ESRRG: variants seen among roughly 807,000 people sequenced by gnomAD.
ESRRG encodes estrogen related receptor gamma, also known as estrogen-related receptor gamma.
A neutral mutation model predicts 44.0 loss-of-function variants in ESRRG; 13 were observed. That is an observed-to-expected ratio of 0.30 (90% CI 0.19 to 0.47). ESRRG has a LOEUF of 0.47. Ranked by LOEUF, ESRRG falls within the 20% of genes least tolerant of loss-of-function variation. ESRRG has a pLI of 1.00. For synonymous variants in ESRRG, 215 were observed against 214.6 expected (o/e 1.00, Z -0.02); for missense variants, 395 against 580.6 (o/e 0.68, Z 3.29).
chr1:217,052,449 C>T (rs558106088), intron 1 of ESRRG, among the ~76,000 whole-genome samples: 2 of 152,248 alleles, frequency 1.3e-5, no homozygotes, highest in South Asian at 2.1e-4. Flanking sequence ...AATCACTCCA[C>T]GTGAATTATT....
intron 6 of ESRRG, among the ~76,000 whole-genome samples, chr1:216,513,987 G>A (rs923995888): frequency 2.0e-5 from 3 of 152,080 alleles, no homozygotes; most frequent in Non-Finnish European, 4.4e-5. Flanking sequence ...ATAAGCAACT[G>A]CAGAGTATTT....
chr1:216,717,494 T>C (rs1362956841), intron 1 of ESRRG, among the ~76,000 whole-genome samples: 11 of 151,854 alleles, frequency 7.2e-5, no homozygotes, highest in Admixed American at 7.2e-4. Flanking sequence ...ATCTGATAGA[T>C]TGGCATAAAG....
At chr1:216,907,166 C>T (rs149553045) in intron 2 of ESRRG, among the ~76,000 whole-genome samples, 265 of 152,258 alleles carry the variant, frequency 1.7e-3, no homozygotes, top group Non-Finnish European at 2.9e-3. Context: ...GCCTGGCCAC[C>T]GGCTGTTACT....
At chr1:216,943,759 G>T (rs997012135) in intron 1 of ESRRG, among the ~76,000 whole-genome samples, 16 of 152,120 alleles carry the variant, frequency 1.1e-4, no homozygotes, top group Non-Finnish European at 1.8e-4. Context: ...GCCAGGAAAA[G>T]ATAAACAGAA....
At chr1:216,584,049 G>A (rs1025674433) in intron 3 of ESRRG, among the ~76,000 whole-genome samples, 5 of 152,120 alleles carry the variant, frequency 3.3e-5, no homozygotes, top group African/African-American at 9.7e-5. Context: ...ATAAAGGAGA[G>A]AGCATAGCCA....
intron 2 of ESRRG, among the ~76,000 whole-genome samples, chr1:216,856,352 A>AACAC (rs5780935): frequency 0.12 from 17,152 of 141,878 alleles, 1,158 homozygotes; most frequent in Non-Finnish European, 0.16. Flanking sequence ...TTCTCTCTTC[A>AACAC]ACACACACAC....
chr1:216,631,408 C>T (rs1021049903), intron 3 of ESRRG, among the ~76,000 whole-genome samples: 16 of 152,154 alleles, frequency 1.1e-4, no homozygotes, highest in Admixed American at 1.0e-3. Flanking sequence ...TTGGAAAATG[C>T]ATTTACATCA....
In ESRRG at chr1:216,749,093, G is replaced by C. The variant is rs527377381; in HGVS notation, c.-13-71602C>G. On this transcript the variant is annotated intron_variant, in intron 2 of 7. Transcript: ENST00000359162. ...TATAAGGAGCAGGGAGAGCAGGCAA[G>C]AGACCCAGCAGCAGCCTGTTTGCTG... is the stretch of plus-strand genomic sequence containing the variant. Among the ~76,000 whole-genome samples, 4 of 152,094 alleles carry C rather than the reference G, an allele frequency of 2.6e-5. No homozygotes were observed. The Middle Eastern group carries it at 0.014, about 517-fold the overall frequency.
At chr1:216,924,351 T>C (rs918799358) in intron 2 of ESRRG, among the ~76,000 whole-genome samples, 1 of 152,130 alleles carries the variant, frequency 6.6e-6, no homozygotes, top group Non-Finnish European at 1.5e-5. Context: ...AAAGCAGCCC[T>C]CGAGAGCAAT....
intron 1 of ESRRG, among the ~76,000 whole-genome samples, chr1:217,110,500 G>A (rs1021192092): frequency 6.6e-6 from 1 of 152,112 alleles, no homozygotes; most frequent in African/African-American, 2.4e-5. Context: ...CGTTTACTTG[G>A]CTCACAGTTC....
intron 2 of ESRRG, among the ~76,000 whole-genome samples, chr1:216,734,641 C>T (rs74649577): frequency 0.062 from 9,490 of 152,102 alleles, 369 homozygotes; most frequent in African/African-American, 0.091. Flanking sequence ...CAAAATAAAC[C>T]GCTTTTCTTT....
At chr1:217,101,874 T>G (rs2092518162) in intron 1 of ESRRG, among the ~76,000 whole-genome samples, 1 of 152,208 alleles carries the variant, frequency 6.6e-6, no homozygotes, top group Non-Finnish European at 1.5e-5. Flanking sequence ...TGATGCGATC[T>G]TGGCTCACCG....
At chr1:216,518,224 T>G (rs1413737539) in intron 6 of ESRRG, among the ~76,000 whole-genome samples, 3 of 152,128 alleles carry the variant, frequency 2.0e-5, no homozygotes, top group Non-Finnish European at 4.4e-5. Context: ...GTCAATACCT[T>G]GAATGCTGCA....
intron 1 of ESRRG, among the ~76,000 whole-genome samples, chr1:216,698,062 C>T (rs1472443431): frequency 6.6e-6 from 1 of 152,122 alleles, no homozygotes; most frequent in African/African-American, 2.4e-5. Flanking sequence ...TTCATCTGTT[C>T]AGTTTCCAGA....
At chr1:216,773,541 A>G (rs2093468625) in intron 2 of ESRRG, among the ~76,000 whole-genome samples, 1 of 152,164 alleles carries the variant, frequency 6.6e-6, no homozygotes, top group Admixed American at 6.6e-5. Flanking sequence ...GGTATTACAT[A>G]GACTTAATAA....
At chr1:217,049,360 C>G (rs1173463574) in intron 1 of ESRRG, among the ~76,000 whole-genome samples, 1 of 152,160 alleles carries the variant, frequency 6.6e-6, no homozygotes, top group African/African-American at 2.4e-5. Context: ...ACAATTTTCT[C>G]CATCTCACTG....
chr1:216,533,447 T>C (rs573269434), intron 5 of ESRRG, among the ~76,000 whole-genome samples: 3 of 152,198 alleles, frequency 2.0e-5, no homozygotes, highest in South Asian at 4.1e-4. Context: ...TATACTATAG[T>C]AGGCAGTTAA....
chr1:216,949,256 C>T (rs1164870268), intron 1 of ESRRG, among the ~76,000 whole-genome samples: 1 of 152,146 alleles, frequency 6.6e-6, no homozygotes, highest in Non-Finnish European at 1.5e-5. Context: ...CTACATTAAC[C>T]ACATGGCCAC....
intron 3 of ESRRG, among the ~76,000 whole-genome samples, chr1:216,575,058 G>A (rs1208469094): frequency 1.3e-5 from 2 of 152,074 alleles, no homozygotes; most frequent in Non-Finnish European, 2.9e-5. Flanking sequence ...AGCAGTATCA[G>A]ACACAGCAGT....
Sources: allele counts gnomAD v4.1 joint callset (sites outside exome capture counted in the v4.1 genomes callset), GRCh38; gene constraint gnomAD v4.1.1; transcripts MANE v1.5; gene names NCBI Gene and HGNC (gene_info 2026-07-23, HGNC 2026-07-21).